The following ZNF184 variants were observed in gnomAD, a reference collection of about 807,000 sequenced individuals.
The protein encoded by ZNF184 is zinc finger protein 184, also known as zinc finger protein 184 (Kruppel-like).
A neutral mutation model predicts 54.4 loss-of-function variants in ZNF184; 16 were observed. The ratio of observed to expected loss-of-function variants is 0.29; its 90% CI spans 0.20 to 0.45. The LOEUF (loss-of-function observed/expected upper bound fraction) is 0.45. Ranked by LOEUF, ZNF184 falls within the 20% of genes least tolerant of loss-of-function variation. ZNF184 has a pLI of 1.00. For missense variants in ZNF184, 681 were observed against 888.2 expected (o/e 0.77, Z 2.97); for synonymous variants, 254 against 295.3 (o/e 0.86, Z 1.43).
chr6:27,419,162 G>C, the ZNF184 span, among the ~76,000 whole-genome samples: 1 of 152,096 alleles, frequency 6.6e-6, no homozygotes, highest in Admixed American at 6.5e-5. This position sits in a 1 kb window ranked among gnomAD's most constrained non-coding sequence, Gnocchi z 4.8. Flanking sequence ...GTAGTGCAGT[G>C]GCACAATCTC....
chr6:27,428,658 T>A, the ZNF184 span, among the ~76,000 whole-genome samples: 1 of 152,168 alleles, frequency 6.6e-6, no homozygotes, highest in Non-Finnish European at 1.5e-5. The surrounding 1 kb of genome is among the most constrained non-coding windows in gnomAD (Gnocchi z 4.1). Context: ...GAAACTAAAA[T>A]ATGAGTTTCA....
the ZNF184 span, among the ~76,000 whole-genome samples, chr6:27,411,613 T>G: frequency 6.6e-6 from 1 of 152,200 alleles, no homozygotes; most frequent in African/African-American, 2.4e-5. Context: ...ACTTTGGGGT[T>G]TGCAGTGAGG....
chr6:27,462,631 T>G lies in ZNF184; in HGVS notation c.75+5222A>C, dbSNP rs371762044. 4.6e-4 allele frequency among the ~76,000 whole-genome samples: 69 copies of G among 151,458 alleles called. 1 individual carries two copies. The highest frequency in any genetic ancestry group is 1.6e-3 in the African/African-American group (65 of 41,362). On this transcript the variant is annotated intron_variant, in intron 3 of 5. Transcript: ENST00000683788. ...TGTAATCCCAGCACTTTGGGAGGCC[T>G]AGGCAGGCAGATCATGAGGTCAGGA...
intron 3 of ZNF184, among the ~76,000 whole-genome samples, 165 bp from the exon 4 acceptor site, chr6:27,457,574 G>A (rs1343656643): frequency 6.6e-6 from 1 of 152,160 alleles, no homozygotes; most frequent in Admixed American, 6.5e-5. Context: ...CATCCATTGG[G>A]TTATTGTGAG....
chr6:27,459,613 T>C (rs1387433378), intron 3 of ZNF184, among the ~76,000 whole-genome samples: 1 of 152,142 alleles, frequency 6.6e-6, no homozygotes, highest in Non-Finnish European at 1.5e-5. Flanking sequence ...TCTGACAAGA[T>C]CTATCAAAAC....
chr6:27,455,725 ATC>A (rs1375056842), intron 5 of ZNF184, among the ~76,000 whole-genome samples: 1 of 152,106 alleles, frequency 6.6e-6, no homozygotes, highest in African/African-American at 2.4e-5. Context: ...TAAAAAAAAA[ATC>A]TCTGAGTGGT....
chr6:27,424,271 A>G, the ZNF184 span, among the ~76,000 whole-genome samples: 3 of 152,214 alleles, frequency 2.0e-5, no homozygotes, highest in East Asian at 3.8e-4. Flanking sequence ...TGACTTTTAC[A>G]GCTCACAAAA....
chr6:27,467,542 C>T (rs958903983), intron 3 of ZNF184, among the ~76,000 whole-genome samples: 2 of 152,010 alleles, frequency 1.3e-5, no homozygotes, highest in Non-Finnish European at 2.9e-5. Flanking sequence ...TTGCAGTGAG[C>T]GGAGATCACC....
the ZNF184 span, among the ~76,000 whole-genome samples, chr6:27,441,338 C>T: frequency 2.0e-5 from 3 of 152,186 alleles, no homozygotes; most frequent in African/African-American, 7.2e-5. Context: ...GCCTCAGCCT[C>T]CCGAGTATCT....
chr6:27,443,709 A>AT, the ZNF184 span, among the ~76,000 whole-genome samples: 2 of 152,112 alleles, frequency 1.3e-5, no homozygotes, highest in African/African-American at 4.8e-5. Flanking sequence ...TTCAACTATA[A>AT]TTTTTTCAGC....
chr6:27,445,368 T>C, the ZNF184 span, among the ~76,000 whole-genome samples: 2 of 152,214 alleles, frequency 1.3e-5, no homozygotes, highest in Non-Finnish European at 2.9e-5. Flanking sequence ...ATGATTGCTG[T>C]GGTTTGAATG....
chr6:27,425,175 C>T, the ZNF184 span, among the ~76,000 whole-genome samples: 1 of 152,212 alleles, frequency 6.6e-6, no homozygotes, highest in Non-Finnish European at 1.5e-5. Context: ...CCCGCAAGCG[C>T]CGCGCGCAAC....
At position 27,453,475 on chromosome 6, in the gene ZNF184, T is replaced by C. The variant is rs906485300; in HGVS notation, c.299-215A>G. ...CAAAAGAATGTCTAATTCAATTTCA[T>C]AGATAATCTTCAAGAACCAGTAAGG... On this transcript the variant is annotated intron_variant, in intron 5 of 5. Coordinates refer to ENST00000683788, the MANE Select transcript of ZNF184 (RefSeq NM_001318891.2). The surrounding 1 kb of genome is among the most constrained non-coding windows in gnomAD (Gnocchi z 4.7). Among the ~76,000 whole-genome samples the C allele has an allele frequency of 6.6e-6, 1 of 152,370 alleles. No individual in the cohort carries two copies. The highest frequency in any genetic ancestry group is 2.1e-4 in the South Asian group (1 of 4,832).
chr6:27,411,905 C>A, the ZNF184 span, among the ~76,000 whole-genome samples: 1 of 152,320 alleles, frequency 6.6e-6, no homozygotes, highest in Non-Finnish European at 1.5e-5. Flanking sequence ...TAGCCCATCC[C>A]TTGGTGGGAA....
the ZNF184 span, among the ~76,000 whole-genome samples, chr6:27,426,555 CTG>C: frequency 6.6e-6 from 1 of 151,306 alleles, no homozygotes; most frequent in South Asian, 2.1e-4. This position sits in a 1 kb window ranked among gnomAD's most constrained non-coding sequence, Gnocchi z 4.2. Flanking sequence ...TTTCTGCCTC[CTG>C]TGTGACTTTG....
the ZNF184 span, among the ~76,000 whole-genome samples, chr6:27,415,577 G>A: frequency 2.0e-5 from 3 of 152,150 alleles, no homozygotes; most frequent in Non-Finnish European, 1.5e-5. Flanking sequence ...GTAACATGGA[G>A]TTAGTCTCAG....
At chr6:27,437,609 T>C in the ZNF184 span, among the ~76,000 whole-genome samples, 1 of 152,196 alleles carries the variant, frequency 6.6e-6, no homozygotes, top group East Asian at 1.9e-4. Flanking sequence ...GAACTGTAAA[T>C]TTGTGTTGTT....
rs11352340 is a variant in ZNF184, at chr6:27,469,646, CAA to C, written c.8-1728_8-1727del. On this transcript the variant is annotated intron_variant, in intron 2 of 5. Transcript: ENST00000683788. ...ACAGAGCAAGACAGTGTCTCAAAAA[CAA>C]AAAAAAAAAATTTGAATGAGACATG... Among the ~76,000 whole-genome samples the C allele has an allele frequency of 1.7e-3, 257 of 148,134 alleles. 1 individual carries two copies. Among genetic ancestry groups the C allele is most frequent in the South Asian group, 0.013 (62 of 4,700 alleles).
At chr6:27,424,267 T>C in the ZNF184 span, among the ~76,000 whole-genome samples, 5 of 152,202 alleles carry the variant, frequency 3.3e-5, no homozygotes, top group African/African-American at 2.4e-5. Flanking sequence ...GTGATGACTT[T>C]TACAGCTCAC....
Sources: gnomAD v4.1 joint callset for allele counts (sites outside exome capture counted in the v4.1 genomes callset) on GRCh38, gnomAD v4.1.1 for gene constraint, Gnocchi (gnomAD v3.1) non-coding constraint, MANE v1.5 for transcripts, NCBI Gene and HGNC (gene_info 2026-07-23, HGNC 2026-07-21) for gene names.